EHMT1: variants seen among roughly 807,000 people sequenced by gnomAD.
EHMT1 encodes euchromatic histone lysine methyltransferase 1.
A neutral mutation model predicts 147.2 loss-of-function variants in EHMT1; 15 were observed. That is an observed-to-expected ratio of 0.10 (90% confidence interval 0.07 to 0.16). EHMT1 has a LOEUF of 0.16. Among genes scored for constraint, EHMT1 ranks in the 10% least tolerant of loss-of-function variants. The probability of loss-of-function intolerance (pLI) is 1.00; values close to 1 mark genes in which losing one functional copy is unlikely to be tolerated. For missense variants in EHMT1, 1,587 were observed against 1,772.4 expected (o/e 0.90, Z 1.88); for synonymous variants, 795 against 709.6 (o/e 1.12, Z -1.91).
intron 7 of EHMT1, 38 bp from the exon 8 acceptor site, chr9:137,754,133 G>A: frequency 6.2e-7 from 1 of 1,613,736 alleles, no homozygotes; most frequent in Non-Finnish European, 8.5e-7. Flanking sequence ...AGCTTCCTGT[G>A]CTTAGTGGTT....
chr9:137,827,026 T>G (rs1175652791), intron 25 of EHMT1, among the ~76,000 whole-genome samples: 1 of 152,168 alleles, frequency 6.6e-6, no homozygotes, highest in African/African-American at 2.4e-5. Flanking sequence ...GGTCCCCGCC[T>G]CCTCCCCCAC....
At chr9:137,670,540 C>A (rs1024848450) in intron 1 of EHMT1, among the ~76,000 whole-genome samples, 2 of 152,154 alleles carry the variant, frequency 1.3e-5, no homozygotes, top group African/African-American at 2.4e-5. Context: ...TCCCATCTGC[C>A]TCCCTCCTCT....
At chr9:137,737,375 T>G (rs1947630901) in intron 4 of EHMT1, among the ~76,000 whole-genome samples, 1 of 152,204 alleles carries the variant, frequency 6.6e-6, no homozygotes, top group Non-Finnish European at 1.5e-5. Flanking sequence ...ATCAGTTGAT[T>G]TTTGACAAGA....
At position 137,777,164 on chromosome 9, in the gene EHMT1, T is replaced by C. The variant is rs75799303; in HGVS notation, c.2018+320T>C. 534 of 360,110 alleles carry C rather than the reference T, an allele frequency of 1.5e-3. 2 individuals carry two copies. The highest frequency in any genetic ancestry group is 0.014 in the East Asian group (214 of 15,210). The allele number at this position is 360,110 out of a possible 1,614,324, so 22.3% of individuals were successfully genotyped here. A position where few individuals can be genotyped will look rare whatever the true frequency, so the allele number is the denominator to read the frequency against. On this transcript the variant is annotated intron_variant, in intron 12 of 26. Coordinates refer to ENST00000460843, the MANE Select transcript of EHMT1 (RefSeq NM_024757.5). ...ACACAAGCGATAGACGAGTGGTGGC[T>C]GCTGCAGTCTGTGACCGAGTTCTGT... is the stretch of plus-strand genomic sequence containing the variant.
chr9:137,828,560 C>A lies in EHMT1; in HGVS notation c.3541-5789C>A, dbSNP rs894853132. On this transcript the variant is annotated intron_variant, in intron 25 of 26. Transcript: ENST00000460843. This position sits in a 1 kb window ranked among gnomAD's most constrained non-coding sequence, Gnocchi z 5.3. ...GAAAGGGGCTCGTCCTGAGAAGCCACAAAGTGTGCTCCTGCGGGGGTGCGG... is the reference window on the plus strand; with the variant it reads ...GAAAGGGGCTCGTCCTGAGAAGCCAAAAAGTGTGCTCCTGCGGGGGTGCGG... Among the ~76,000 whole-genome samples the A allele has an allele frequency of 2.6e-5, 4 of 151,280 alleles. No homozygotes were observed. Among genetic ancestry groups the A allele is most frequent in the Non-Finnish European group, 5.9e-5 (4 of 67,798 alleles).
intron 10 of EHMT1, 175 bp downstream of exon 10, chr9:137,762,995 G>A (rs1949950929): frequency 1.4e-5 from 11 of 801,236 alleles, no homozygotes; most frequent in Non-Finnish European, 2.1e-5. Context: ...CACGGCAGAT[G>A]ATGAAACACA....
intron 1 of EHMT1, among the ~76,000 whole-genome samples, chr9:137,688,780 T>C (rs952606463): frequency 6.6e-6 from 1 of 152,266 alleles, no homozygotes; most frequent in African/African-American, 2.4e-5. Flanking sequence ...GCTTCTGCGT[T>C]CTCCTCGGTT....
intron 8 of EHMT1, among the ~76,000 whole-genome samples, chr9:137,754,922 C>T (rs1049102018): frequency 4.6e-5 from 7 of 152,272 alleles, no homozygotes; most frequent in Admixed American, 2.6e-4. Flanking sequence ...GTGCAGGAAG[C>T]GGCCCCTCAG....
chr9:137,678,722 T>TC (rs1305592321), intron 1 of EHMT1, among the ~76,000 whole-genome samples: 18 of 63,444 alleles, frequency 2.8e-4, no homozygotes, highest in African/African-American at 6.9e-4. Flanking sequence ...CCCCCCCCGC[T>TC]CCCCCCGAAA....
chr9:137,773,882 T>G (rs1950752958), intron 10 of EHMT1, among the ~76,000 whole-genome samples: 1 of 152,258 alleles, frequency 6.6e-6, no homozygotes, highest in Non-Finnish European at 1.5e-5. Flanking sequence ...GGGCTACTTC[T>G]TGTTTTCTTA....
chr9:137,770,839 C>G (rs1360143240), intron 10 of EHMT1, among the ~76,000 whole-genome samples: 1 of 152,222 alleles, frequency 6.6e-6, no homozygotes, highest in Non-Finnish European at 1.5e-5. Context: ...CTGTGTCCTG[C>G]TGGGGGAGGC....
Position 137,683,068 on chromosome 9 carries a change from T to C in EHMT1, c.22-27899T>C, listed in dbSNP as rs201956464. ...TTCTTTCCACAGCTAGATTCAGTTA[T>C]ATTAATAAGCATAAAAGCCAAAATT... is the stretch of plus-strand genomic sequence containing the variant. On this transcript the variant is annotated intron_variant, in intron 1 of 26. Coordinates refer to ENST00000460843, the MANE Select transcript of EHMT1 (RefSeq NM_024757.5). 9.8e-5 allele frequency among the ~76,000 whole-genome samples: 15 copies of C among 152,378 alleles called. No individual in the cohort carries two copies. The East Asian group carries it at 2.9e-3, about 29-fold the overall frequency.
intron 1 of EHMT1, among the ~76,000 whole-genome samples, chr9:137,702,615 T>G (rs1943931744): frequency 6.6e-6 from 1 of 152,172 alleles, no homozygotes; most frequent in Non-Finnish European, 1.5e-5. Flanking sequence ...GTTGAGTGCC[T>G]GCTGCTTTTC....
chr9:137,760,365 G>A (rs1008194945), intron 9 of EHMT1, among the ~76,000 whole-genome samples: 5 of 152,168 alleles, frequency 3.3e-5, no homozygotes, highest in Non-Finnish European at 7.4e-5. Flanking sequence ...ATCTCACAGC[G>A]TTGTGGGGTT....
At chr9:137,811,636 A>G (rs1427246766) in intron 19 of EHMT1, 21 bp downstream of exon 19, 1 of 1,599,350 alleles carries the variant, frequency 6.3e-7, no homozygotes. Context: ...TGCTTCCCCC[A>G]GCGCGGGCTG....
intron 1 of EHMT1, among the ~76,000 whole-genome samples, chr9:137,685,912 T>C (rs1016215141): frequency 4.6e-5 from 7 of 152,062 alleles, no homozygotes; most frequent in Non-Finnish European, 1.0e-4. Flanking sequence ...TTTTGGAATT[T>C]GTCTTTTTAT....
intron 10 of EHMT1, chr9:137,763,412 A>G (rs867920285): frequency 5.5e-6 from 1 of 181,452 alleles, no homozygotes; most frequent in Non-Finnish European, 1.2e-5. Flanking sequence ...ATGGCTGGCC[A>G]TGGTGAGGGT....
intron 1 of EHMT1, among the ~76,000 whole-genome samples, chr9:137,623,262 A>G (rs1843048735): frequency 6.6e-6 from 1 of 151,564 alleles, no homozygotes. Flanking sequence ...TGCCTGGTAC[A>G]CAGCATCATC....
intron 3 of EHMT1, among the ~76,000 whole-genome samples, chr9:137,722,018 G>C (rs899054391): frequency 1.3e-5 from 2 of 148,924 alleles, no homozygotes; most frequent in Non-Finnish European, 3.0e-5. Flanking sequence ...CTTTAAATCT[G>C]TGATCCATTT....
Sources: allele counts gnomAD v4.1 joint callset (sites outside exome capture counted in the v4.1 genomes callset), GRCh38; gene constraint gnomAD v4.1.1; non-coding constraint Gnocchi (gnomAD v3.1); transcripts MANE v1.5; gene names NCBI Gene and HGNC (gene_info 2026-07-23, HGNC 2026-07-21).